Variants in DCAF6 observed in about 807,000 individuals in gnomAD.
The protein encoded by DCAF6 is DDB1- and CUL4-associated factor 6.
In DCAF6, 54 loss-of-function variants were observed where a neutral mutation model predicts 125.1. That is an observed-to-expected ratio of 0.43 (90% CI 0.35 to 0.54). The LOEUF (loss-of-function observed/expected upper bound fraction) is 0.54, where lower values mean the gene tolerates loss of function less well. DCAF6 is among the 20% of genes least tolerant of loss of function. The probability of loss-of-function intolerance (pLI) is 0.01; values close to 1 mark genes in which losing one functional copy is unlikely to be tolerated. For missense variants in DCAF6, 934 were observed against 1,161.7 expected (o/e 0.80, Z 2.85); for synonymous variants, 371 against 390.4 (o/e 0.95, Z 0.58).
chr1:167,919,977 A>C, the DCAF6 span: 9 of 1,604,998 alleles, frequency 5.6e-6, no homozygotes, highest in Non-Finnish European at 7.7e-6. Context: ...TGGTAGGCTT[A>C]CCTCCAAATA....
chr1:168,009,624 T>C (rs1684005515), intron 10 of DCAF6, among the ~76,000 whole-genome samples: 3 of 151,852 alleles, frequency 2.0e-5, no homozygotes, highest in Admixed American at 1.3e-4. Flanking sequence ...TCTTACACTT[T>C]GTTCTTAGTG....
chr1:167,995,833 A>G (rs1681587697), intron 7 of DCAF6, among the ~76,000 whole-genome samples: 2 of 152,210 alleles, frequency 1.3e-5, no homozygotes, highest in Non-Finnish European at 2.9e-5. Flanking sequence ...TAACTCACCA[A>G]ATATTTATTG....
At chr1:168,004,109 C>T in intron 9 of DCAF6, 120 bp downstream of exon 9, 1 of 1,240,480 alleles carries the variant, frequency 8.1e-7, no homozygotes. Context: ...TCACAAGGTT[C>T]TTATTGTGTG....
intron 10 of DCAF6, among the ~76,000 whole-genome samples, chr1:168,005,088 A>T (rs1051190828): frequency 1.3e-5 from 2 of 152,164 alleles, no homozygotes; most frequent in African/African-American, 4.8e-5. Context: ...ATTATTTTAT[A>T]GATTATTAGA....
chr1:167,935,964 G>A (rs1671152798), upstream of DCAF6: 2 of 734,480 alleles, frequency 2.7e-6, no homozygotes, highest in African/African-American at 1.8e-5. Context: ...CTCGCCTGGA[G>A]TACCCTTCCC....
chr1:167,925,714 T>C, the DCAF6 span, among the ~76,000 whole-genome samples: 1 of 151,226 alleles, frequency 6.6e-6, no homozygotes, highest in Non-Finnish European at 1.5e-5. Flanking sequence ...ACCCGGCTAA[T>C]TTTTTTGTAT....
the DCAF6 span, among the ~76,000 whole-genome samples, chr1:167,907,957 T>G: frequency 6.6e-6 from 1 of 152,194 alleles, no homozygotes; most frequent in East Asian, 1.9e-4. Context: ...TAGAAGACTT[T>G]GATAAAGATA....
At chr1:167,905,001 TC>T in the DCAF6 span, 7 of 1,614,172 alleles carry the variant, frequency 4.3e-6, no homozygotes, top group Non-Finnish European at 5.9e-6. Context: ...GCCTGAAATA[TC>T]AACAAACATC....
At chr1:167,907,862 T>C in the DCAF6 span, among the ~76,000 whole-genome samples, 1 of 152,160 alleles carries the variant, frequency 6.6e-6, no homozygotes, top group African/African-American at 2.4e-5. Context: ...ATAAAGAAAA[T>C]ATAATTGGCT....
chr1:167,902,560 C>T, the DCAF6 span, among the ~76,000 whole-genome samples: 2 of 152,202 alleles, frequency 1.3e-5, no homozygotes, highest in African/African-American at 4.8e-5. Flanking sequence ...TGGCCATTCT[C>T]TCTTTTAGTT....
chr1:167,891,395 A>G, the DCAF6 span, among the ~76,000 whole-genome samples: 6 of 151,760 alleles, frequency 4.0e-5, no homozygotes, highest in South Asian at 4.2e-4. Flanking sequence ...AGTGGCTCAC[A>G]TCTGTAATCC....
At chr1:167,922,035 GAAC>G in the DCAF6 span, among the ~76,000 whole-genome samples, 2 of 152,110 alleles carry the variant, frequency 1.3e-5, no homozygotes, top group African/African-American at 4.8e-5. Context: ...TCATGTTATA[GAAC>G]ATATGTGGCT....
Position 168,050,915 on chromosome 1 carries a change from T to C in DCAF6, c.2282T>C (p.Ile761Thr), listed in dbSNP as rs1689833190. ...AGATTTAATATCAGAGGAACAACAATAGGTGATAGAATAATGAGGTAATTC... is the reference window on the plus strand; with the variant it reads ...AGATTTAATATCAGAGGAACAACAACAGGTGATAGAATAATGAGGTAATTC... Reference protein sequence around the residue: ...GDRFNIRGTTIGDRIMRRSAV... With the variant: ...GDRFNIRGTTTGDRIMRRSAV... The change falls in exon 17 of 22, where the codon ATA becomes ACA. Residue 761 changes from isoleucine to threonine, a missense_variant. By Grantham distance (89) the Ile-to-Thr change is moderately conservative. Coordinates refer to ENST00000367840, the MANE Select transcript of DCAF6 (RefSeq NM_001198956.2). 1 of 1,391,410 alleles carries C rather than the reference T, an allele frequency of 7.2e-7. No homozygotes were observed. The highest frequency in any genetic ancestry group is 9.5e-7 in the Non-Finnish European group (1 of 1,049,356). 86.2% of individuals were successfully genotyped at this position (1,391,410 alleles called of 1,614,324 possible).
chr1:167,961,443 C>G (rs1010927351), intron 2 of DCAF6, among the ~76,000 whole-genome samples: 1 of 152,058 alleles, frequency 6.6e-6, no homozygotes, highest in African/African-American at 2.4e-5. Context: ...GGGGTTTCAT[C>G]GTGTTAGCCA....
In DCAF6 at chr1:168,068,439, G is replaced by T. The variant is rs1231202951; in HGVS notation, c.2767G>T (p.Ala923Ser). The T allele has an allele frequency of 6.5e-7, 1 of 1,546,636 alleles. No individual in the cohort carries two copies. The highest frequency in any genetic ancestry group is 1.4e-5 in the African/African-American group (1 of 71,994). Residue 923 changes from alanine to serine, a missense_variant, in exon 21 of 22, where the codon GCT becomes TCT. By Grantham distance (99) the Ala-to-Ser change is moderately conservative. Around this residue, in one of 5 missense-constraint regions of DCAF6, gnomAD observed 36 missense variants for 39.8 expected, o/e 0.91. Coordinates refer to ENST00000367840, the MANE Select transcript of DCAF6 (RefSeq NM_001198956.2). Reference protein sequence around the residue: ...VPASFMLRMLASLNHIRADRL... With the variant: ...VPASFMLRMLSSLNHIRADRL... ...AGCCTCTTTCATGTTGAGGATGTTG[G>T]CTTCACTTAATCATATCCGAGCTGG...
chr1:168,062,422 C>CTT (rs1218514707), intron 17 of DCAF6, among the ~76,000 whole-genome samples: 1 of 152,080 alleles, frequency 6.6e-6, no homozygotes, highest in Non-Finnish European at 1.5e-5. Flanking sequence ...TTTACAATAT[C>CTT]TTTTTTATGT....
At chr1:168,042,934 G>T in intron 13 of DCAF6, 91 bp from the exon 14 acceptor site, 2 of 755,446 alleles carry the variant, frequency 2.6e-6, no homozygotes, top group African/African-American at 1.8e-5. Context: ...TGAATTTTTT[G>T]GTCTACCTTT....
the DCAF6 span, among the ~76,000 whole-genome samples, chr1:167,882,433 C>T: frequency 2.7e-4 from 38 of 141,938 alleles, no homozygotes; most frequent in African/African-American, 9.2e-4. Flanking sequence ...TTCAGTGAGC[C>T]GAGATCATGC....
At position 168,043,094 on chromosome 1, in the gene DCAF6, C is replaced by G. The variant is rs144635426; in HGVS notation, c.1797C>G (p.Phe599Leu). Reference protein sequence around the residue: ...HCKSEGQEESFVPQSSVQPPE... With the variant: ...HCKSEGQEESLVPQSSVQPPE... ...AATCTGAGGGTCAGGAGGAATCTTT[C>G]GTCCCACAGAGCTCAGTGCAACCAC... The change falls in exon 14 of 22, where the codon TTC (phenylalanine) becomes TTG (leucine). Residue 599 changes from phenylalanine (F) to leucine (L), a missense_variant. Coordinates refer to ENST00000367840, the MANE Select transcript of DCAF6 (RefSeq NM_001198956.2). The G allele has an allele frequency of 7.1e-5, 114 of 1,612,818 alleles. No homozygotes were observed. The African/African-American group carries it at 1.0e-3, about 15-fold the overall frequency.
Sources: allele counts gnomAD v4.1 joint callset (sites outside exome capture counted in the v4.1 genomes callset), GRCh38; gene constraint gnomAD v4.1.1; regional missense constraint gnomAD v4.1.1; transcripts MANE v1.5; gene names NCBI Gene and HGNC (gene_info 2026-07-23, HGNC 2026-07-21).